ARMC9: variants seen among roughly 807,000 people sequenced by gnomAD.
ARMC9 encodes the protein armadillo repeat containing 9.
A neutral mutation model predicts 107.0 loss-of-function variants in ARMC9; 94 were observed. That is an observed-to-expected ratio of 0.88 (90% CI 0.74 to 1.04). The LOEUF (loss-of-function observed/expected upper bound fraction) is 1.04, where lower values mean the gene tolerates loss of function less well. Ranked by LOEUF, ARMC9 falls within the 50% of genes least tolerant of loss-of-function variation. The pLI is 0.00. For synonymous variants in ARMC9, 380 were observed against 396.9 expected (o/e 0.96, Z 0.51); for missense variants, 942 against 1,030.1 (o/e 0.91, Z 1.17).
chr2:231,300,313 T>C (rs1277754387), intron 19 of ARMC9, among the ~76,000 whole-genome samples: 1 of 152,190 alleles, frequency 6.6e-6, no homozygotes, highest in Admixed American at 6.5e-5. Flanking sequence ...GATCTAAGAG[T>C]TGCTCATATA....
At chr2:231,274,945 G>A (rs1466778927) in intron 14 of ARMC9, among the ~76,000 whole-genome samples, 5 of 152,128 alleles carry the variant, frequency 3.3e-5, no homozygotes, top group African/African-American at 1.2e-4. Context: ...TGTTTATAGA[G>A]AGAACTTTGC....
intron 9 of ARMC9, among the ~76,000 whole-genome samples, chr2:231,241,983 CAT>C (rs969413270): frequency 1.3e-5 from 2 of 152,110 alleles, no homozygotes; most frequent in South Asian, 2.1e-4. Flanking sequence ...TCCAAAACAA[CAT>C]ATGTGCTGCA....
Position 231,284,050 on chromosome 2 carries a change from CATG to C in ARMC9, c.1626+1918_1626+1920del, listed in dbSNP as rs148388172. ...GAATTTTTAAATTACAGTCATGTCC[CATG>C]TAACAACATTTTGGTCAACAAAAGA... On this transcript the variant is annotated intron_variant, in intron 17 of 24. Transcript: ENST00000611582. Among the ~76,000 whole-genome samples the C allele has an allele frequency of 5.2e-3, 786 of 152,248 alleles. 7 individuals are homozygous for C. The highest frequency in any genetic ancestry group is 0.018 in the African/African-American group (741 of 41,536).
At chr2:231,366,733 C>T (rs1336995593) in intron 23 of ARMC9, among the ~76,000 whole-genome samples, 1 of 151,156 alleles carries the variant, frequency 6.6e-6, no homozygotes, top group Non-Finnish European at 1.5e-5. Flanking sequence ...CCCAGCTACT[C>T]GGGAGGCTGA....
Position 231,258,467 on chromosome 2 carries a change from C to A in ARMC9, c.915-524C>A, listed in dbSNP as rs547921962. Among the ~76,000 whole-genome samples the A allele has an allele frequency of 1.1e-4, 17 of 152,288 alleles. No individual in the cohort carries two copies. In the South Asian group the frequency reaches 1.7e-3, roughly 15 times the overall value. On this transcript the variant is annotated intron_variant, in intron 10 of 24. Transcript: ENST00000611582. ...AAGTGCTGGGATTACAGGCCTGAGC[C>A]ACCACGCCCGGCCCCCGACTGCTTA...
chr2:231,372,823 C>T lies in ARMC9; in HGVS notation c.*1288C>T, dbSNP rs2046080384. The T allele has an allele frequency of 6.6e-6, 1 of 151,604 alleles. No homozygotes were observed. Among genetic ancestry groups the T allele is most frequent in the African/African-American group, 2.4e-5 (1 of 41,168 alleles). 9.4% of individuals were successfully genotyped at this position (151,604 alleles called of 1,614,324 possible). ...GCCCTCCCCCAGGCACCTGATCTGC[C>T]CACAGACCCTTCAATGGGGACATCT... On this transcript the variant is annotated 3_prime_UTR_variant, in exon 25 of 25. Transcript: ENST00000611582.
At chr2:231,237,332 C>T (rs1458452511) in intron 8 of ARMC9, among the ~76,000 whole-genome samples, 2 of 152,108 alleles carry the variant, frequency 1.3e-5, no homozygotes, top group South Asian at 4.1e-4. Flanking sequence ...CCACCTCATT[C>T]TTTTTAATTC....
In ARMC9 at chr2:231,352,772, AATAG is replaced by A. The variant is rs1365162154; in HGVS notation, c.1995-3022_1995-3019del. ...AGGTAGGTAGACATAGATATAGATA[AATAG>A]ATAACCATATATACACACAAAAGGT... On this transcript the variant is annotated intron_variant, in intron 21 of 24. Transcript: ENST00000611582. 7.2e-5 allele frequency among the ~76,000 whole-genome samples: 11 copies of A among 151,902 alleles called. No individual in the cohort carries two copies. The East Asian group carries it at 1.9e-3, about 27-fold the overall frequency.
chr2:231,325,259 G>A (rs769139018), intron 19 of ARMC9, among the ~76,000 whole-genome samples: 20 of 152,096 alleles, frequency 1.3e-4, no homozygotes, highest in Non-Finnish European at 2.9e-5. Flanking sequence ...AAATAAAATG[G>A]AATAAATAAC....
In ARMC9 at chr2:231,278,481, C is replaced by G. The variant is rs777742693; in HGVS notation, c.1551+23C>G. 3.7e-6 allele frequency: 6 copies of G among 1,611,570 alleles called. No individual in the cohort carries two copies. In the African/African-American group the frequency reaches 8.0e-5, roughly 22 times the overall value. On this transcript the variant is annotated intron_variant, in intron 16 of 24. Coordinates refer to ENST00000611582, the MANE Select transcript of ARMC9 (RefSeq NM_001352754.2). ...GAGGTACTCATTCAGCACTGCTGGCCCTGGGCTCGGGGAGGCTACACTGGG... is the reference window on the plus strand; with the variant it reads ...GAGGTACTCATTCAGCACTGCTGGCGCTGGGCTCGGGGAGGCTACACTGGG...
intron 2 of ARMC9, among the ~76,000 whole-genome samples, chr2:231,206,772 G>C (rs1381678372): frequency 1.3e-5 from 2 of 152,192 alleles, no homozygotes; most frequent in African/African-American, 2.4e-5. Context: ...TTAACTCATT[G>C]TCTGGTAATG....
Position 231,326,538 on chromosome 2 carries a change from G to A in ARMC9, c.1774-5255G>A, listed in dbSNP as rs17625638. Among the ~76,000 whole-genome samples, 3,281 of 152,204 alleles carry A rather than the reference G, an allele frequency of 0.022. 214 individuals carry two copies. In the East Asian group the frequency reaches 0.27, roughly 12 times the overall value. On this transcript the variant is annotated intron_variant, in intron 19 of 24. Coordinates refer to ENST00000611582, the MANE Select transcript of ARMC9 (RefSeq NM_001352754.2). ...CTTTGGGGACAGCCTAGAGTAAGTC[G>A]AATCCCCTTTTCTTAGGACAGCCCA...
intron 9 of ARMC9, among the ~76,000 whole-genome samples, chr2:231,243,776 A>G (rs2036515025): frequency 1.3e-5 from 2 of 152,226 alleles, no homozygotes. Context: ...TGTTGACTAG[A>G]CATGCATATA....
At chr2:231,301,530 T>G (rs1399842738) in intron 19 of ARMC9, among the ~76,000 whole-genome samples, 1 of 152,226 alleles carries the variant, frequency 6.6e-6, no homozygotes, top group African/African-American at 2.4e-5. Context: ...CAATCTGGAT[T>G]TGGATTTGCT....
intron 9 of ARMC9, among the ~76,000 whole-genome samples, chr2:231,240,422 G>A (rs1268742868): frequency 6.6e-6 from 1 of 152,140 alleles, no homozygotes; most frequent in African/African-American, 2.4e-5. Flanking sequence ...TGGAATAATT[G>A]CAAAACTGCA....
At chr2:231,369,178 G>A (rs1482394719) in intron 23 of ARMC9, among the ~76,000 whole-genome samples, 4 of 152,240 alleles carry the variant, frequency 2.6e-5, no homozygotes, top group Non-Finnish European at 5.9e-5. Context: ...CATCTGGAGA[G>A]CGGTGGGGCT....
At chr2:231,322,189 A>T (rs1167990014) in intron 19 of ARMC9, among the ~76,000 whole-genome samples, 2 of 152,254 alleles carry the variant, frequency 1.3e-5, no homozygotes, top group African/African-American at 4.8e-5. Flanking sequence ...AGGATCCCGG[A>T]CGTGCTTCCA....
intron 20 of ARMC9, among the ~76,000 whole-genome samples, chr2:231,333,372 G>A (rs2043867920): frequency 6.6e-6 from 1 of 152,220 alleles, no homozygotes; most frequent in Admixed American, 6.5e-5. Context: ...AGGCAGGGAG[G>A]TGACTGATGG....
At chr2:231,337,052 C>G (rs761673544) in intron 20 of ARMC9, among the ~76,000 whole-genome samples, 9 of 152,142 alleles carry the variant, frequency 5.9e-5, no homozygotes, top group Non-Finnish European at 7.4e-5. Context: ...TCCTGCCCCT[C>G]TCTGCTCACA....
Sources: allele counts gnomAD v4.1 joint callset (sites outside exome capture counted in the v4.1 genomes callset), GRCh38; gene constraint gnomAD v4.1.1; transcripts MANE v1.5; gene names NCBI Gene and HGNC (gene_info 2026-07-23, HGNC 2026-07-21).